Variants in ANKRD11 observed in about 807,000 individuals in gnomAD.
ANKRD11 encodes the protein ankyrin repeat domain-containing protein 11.
In ANKRD11, 17 loss-of-function variants were observed where a neutral mutation model predicts 195.7. The observed-to-expected ratio is 0.09, with a 90% confidence interval of 0.06 to 0.13. ANKRD11 has a LOEUF of 0.13. ANKRD11 is among the 10% of genes least tolerant of loss of function. The pLI is 1.00. For synonymous variants in ANKRD11, 1,953 were observed against 1,528.1 expected, an observed-to-expected ratio of 1.28 and a Z score of -6.49; for missense variants, 3,735 against 3,566.1, an observed-to-expected ratio of 1.05 and a Z score of -1.21.
chr16:89,293,168 C>T (rs767481471), intron 4 of ANKRD11, among the ~76,000 whole-genome samples: 1 of 152,070 alleles, frequency 6.6e-6, no homozygotes, highest in African/African-American at 2.4e-5. Context: ...CTGCTCCCTC[C>T]GTCACCCAGA....
intron 1 of ANKRD11, among the ~76,000 whole-genome samples, chr16:89,486,172 C>T (rs1194521485): frequency 6.6e-6 from 1 of 152,188 alleles, no homozygotes; most frequent in Admixed American, 6.5e-5. Context: ...CAAAAGGGGG[C>T]TGAGCACAGT....
At chr16:89,289,289 A>G (rs1279278271) in intron 6 of ANKRD11, among the ~76,000 whole-genome samples, 2 of 152,150 alleles carry the variant, frequency 1.3e-5, no homozygotes, top group Admixed American at 6.5e-5. Flanking sequence ...AATGCTTTAA[A>G]AAAAAAAGGT....
chr16:89,446,401 C>G (rs993592619), intron 1 of ANKRD11, among the ~76,000 whole-genome samples: 1 of 152,096 alleles, frequency 6.6e-6, no homozygotes, highest in Non-Finnish European at 1.5e-5. Flanking sequence ...CCCTGGAGTT[C>G]GAGACCAGCC....
chr16:89,418,413 G>C (rs1238218390), intron 1 of ANKRD11, 45 bp from the exon 2 acceptor site: 3 of 421,336 alleles, frequency 7.1e-6, no homozygotes, highest in South Asian at 4.9e-5. Context: ...AATAATTTCA[G>C]CCTCAGTTCT....
intron 1 of ANKRD11, among the ~76,000 whole-genome samples, chr16:89,489,524 C>G (rs956560351): frequency 6.6e-6 from 1 of 151,464 alleles, no homozygotes; most frequent in African/African-American, 2.4e-5. Context: ...TCGCCCTCCC[C>G]CTCCGGCTCG....
chr16:89,414,471 G>T (rs1204758808), intron 2 of ANKRD11, among the ~76,000 whole-genome samples: 1 of 152,342 alleles, frequency 6.6e-6, no homozygotes, highest in East Asian at 1.9e-4. Context: ...TGCCAAGAAA[G>T]ATGTCAGCTT....
At position 89,271,001 on chromosome 16, in the gene ANKRD11, T is replaced by C. The variant is rs569719982; in HGVS notation, c.7714-92A>G. ...CTGGGCGATGCTGCAGTGACCGTTC[T>C]CAAGGGACAACCACAGGGGGAGCCT... On this transcript the variant is annotated intron_variant, in intron 11 of 12. Transcript: ENST00000301030. 7 of 1,205,092 alleles carry C rather than the reference T, an allele frequency of 5.8e-6. No individual in the cohort carries two copies. In the African/African-American group the frequency reaches 1.0e-4, roughly 18 times the overall value. The allele number at this position is 1,205,092 out of a possible 1,614,324, so 74.6% of individuals were successfully genotyped here. A position where few individuals can be genotyped will look rare whatever the true frequency, so the allele number is the denominator to read the frequency against.
At chr16:89,350,477 A>G (rs1324039276) in intron 2 of ANKRD11, among the ~76,000 whole-genome samples, 1 of 152,244 alleles carries the variant, frequency 6.6e-6, no homozygotes, top group African/African-American at 2.4e-5. Flanking sequence ...AAAGCTACTC[A>G]GTAAACTACT....
chr16:89,283,026 G>A lies in ANKRD11; in HGVS notation c.3516C>T (p.His1172=), dbSNP rs146532395. 2.0e-5 allele frequency: 32 copies of A among 1,613,710 alleles called. No individual in the cohort carries two copies. In the African/African-American group the frequency reaches 4.1e-4, roughly 21 times the overall value. ...GCTCCTTGTCCTTCTGCCTCTCAGG[G>A]TGCTGCTTGTCAGAAGACTTCCTGT... ...DRHRKSSDKQ[H]PERQKDKEPR... is the part of the protein sequence containing the mutation. Residue 1172 remains histidine (H), a synonymous_variant, in exon 9 of 13, where the codon CAC becomes CAT. Transcript: ENST00000301030. The surrounding 1 kb of genome is among the most constrained non-coding windows in gnomAD (Gnocchi z 4.3).
chr16:89,398,000 C>T (rs148066721), intron 2 of ANKRD11, among the ~76,000 whole-genome samples: 138 of 152,340 alleles, frequency 9.1e-4, no homozygotes, highest in African/African-American at 3.2e-3. Flanking sequence ...CCACAAAGCG[C>T]CTGTCACCAG....
chr16:89,338,122 C>T (rs1018564573), intron 2 of ANKRD11, among the ~76,000 whole-genome samples: 1 of 152,202 alleles, frequency 6.6e-6, no homozygotes, highest in Admixed American at 6.5e-5. Flanking sequence ...GGACGCCGCC[C>T]GTCAGGCTCC....
In ANKRD11 at chr16:89,280,222, C is replaced by G; in HGVS notation, c.6320G>C (p.Arg2107Pro). The change falls in exon 9 of 13, where the codon CGC becomes CCC. Residue 2107 changes from arginine to proline, a missense_variant. By Grantham distance (103) the Arg-to-Pro change is moderately radical. Transcript: ENST00000301030. ...CACCTGGCCGAGGTGAGACAGGCCG[C>G]GGCTGCCGTCCAGGAAGCTATTTTC... ...PLENSFLDGS[R>P]GLSHLGQVEP... 1 of 1,607,788 alleles carries G rather than the reference C, an allele frequency of 6.2e-7. No homozygotes were observed. Among genetic ancestry groups the G allele is most frequent in the Non-Finnish European group, 8.5e-7 (1 of 1,179,310 alleles).
intron 2 of ANKRD11, chr16:89,322,991 G>A (rs1019024779): frequency 6.2e-5 from 18 of 291,736 alleles, no homozygotes; most frequent in African/African-American, 9.1e-5. Context: ...GTACAGGCCC[G>A]TGGCACCATG....
chr16:89,301,699 T>C (rs2035864648), intron 4 of ANKRD11: 3 of 398,542 alleles, frequency 7.5e-6, no homozygotes, highest in Admixed American at 8.8e-5. Context: ...TCCAGGCTGC[T>C]GTGCAGGGAC....
chr16:89,271,231 G>A (rs958845622), intron 11 of ANKRD11: 1 of 398,426 alleles, frequency 2.5e-6, no homozygotes. Context: ...CCAACTCCTG[G>A]GAGAGACTTT....
At chr16:89,278,446 G>C (rs2033848193) in intron 9 of ANKRD11, 2 of 444,856 alleles carry the variant, frequency 4.5e-6, no homozygotes, top group South Asian at 1.6e-5. Flanking sequence ...GTAGCGCAAG[G>C]AGCTGGGGGA....
chr16:89,354,257 AAAAG>A (rs1178583496), intron 2 of ANKRD11, among the ~76,000 whole-genome samples: 9 of 151,972 alleles, frequency 5.9e-5, no homozygotes, highest in Non-Finnish European at 1.3e-4. Context: ...AAAAAAAAAA[AAAAG>A]AAAACTTCAT....
chr16:89,327,851 C>G (rs187080408), intron 2 of ANKRD11, among the ~76,000 whole-genome samples: 1 of 152,112 alleles, frequency 6.6e-6, no homozygotes, highest in East Asian at 1.9e-4. Context: ...GACATGGCAA[C>G]AAAAGCACAA....
intron 4 of ANKRD11, among the ~76,000 whole-genome samples, chr16:89,302,263 A>G (rs2035903410): frequency 6.6e-6 from 1 of 152,006 alleles, no homozygotes; most frequent in Non-Finnish European, 1.5e-5. Context: ...GCTACTATTT[A>G]TTTATTTAGA....
Sources: gnomAD v4.1 joint callset for allele counts (sites outside exome capture counted in the v4.1 genomes callset) on GRCh38, gnomAD v4.1.1 for gene constraint, Gnocchi (gnomAD v3.1) non-coding constraint, MANE v1.5 for transcripts, NCBI Gene and HGNC (gene_info 2026-07-23, HGNC 2026-07-21) for gene names.